The following PALLD variants were observed in gnomAD, a reference collection of about 807,000 sequenced individuals.
PALLD encodes the protein palladin.
PALLD carries 61 observed loss-of-function variants against 123.5 expected under a neutral mutation model. That is an observed-to-expected ratio of 0.49 (90% CI 0.40 to 0.61). The LOEUF is 0.61. Ranked by LOEUF, PALLD falls within the 20% of genes least tolerant of loss-of-function variation. The probability of loss-of-function intolerance (pLI) is 0.00; values close to 1 mark genes in which losing one functional copy is unlikely to be tolerated. For synonymous variants in PALLD, 465 were observed against 496.4 expected, an observed-to-expected ratio of 0.94 and a Z score of 0.84; for missense variants, 1,273 against 1,377.0, an observed-to-expected ratio of 0.92 and a Z score of 1.20.
At chr4:168,894,841 A>G (rs1754772417) in intron 12 of PALLD, 164 bp downstream of exon 12, 1 of 1,106,402 alleles carries the variant, frequency 9.0e-7, no homozygotes, top group Non-Finnish European at 1.3e-6. Flanking sequence ...ATTTTTATTG[A>G]GCACATACTA....
Position 168,560,662 on chromosome 4 carries a change from C to A in PALLD, c.908+48250C>A, listed in dbSNP as rs115810730. 2.9e-3 allele frequency among the ~76,000 whole-genome samples: 438 copies of A among 152,294 alleles called. 2 individuals are homozygous for A. The highest frequency in any genetic ancestry group is 0.02 in the Middle Eastern group (6 of 294). The stretch of plus-strand genomic sequence containing the variant: ...TTTCTGTATCAAGCTGTCAGGAGAT[C>A]AGAGAAGAAGCTCATTAACCCAGTC... On this transcript the variant is annotated intron_variant, in intron 2 of 21. Transcript: ENST00000505667.
intron 8 of PALLD, among the ~76,000 whole-genome samples, chr4:168,707,267 T>C (rs552955801): frequency 4.9e-4 from 75 of 152,216 alleles, no homozygotes; most frequent in Non-Finnish European, 9.6e-4. Flanking sequence ...CACCCCAAAA[T>C]TTAGTTGCTT....
chr4:168,861,668 A>T (rs1324003481), intron 10 of PALLD, among the ~76,000 whole-genome samples: 1 of 150,830 alleles, frequency 6.6e-6, no homozygotes, highest in Non-Finnish European at 1.5e-5. Context: ...ATTTTTTTTA[A>T]TTTTTTTTTA....
intron 8 of PALLD, among the ~76,000 whole-genome samples, chr4:168,694,873 C>G (rs1205957022): frequency 6.6e-6 from 1 of 152,128 alleles, no homozygotes; most frequent in African/African-American, 2.4e-5. Context: ...GTCATAGTAC[C>G]TTCTCTGGCC....
intron 2 of PALLD, among the ~76,000 whole-genome samples, chr4:168,565,356 G>C (rs17613517): frequency 6.6e-6 from 1 of 152,066 alleles, no homozygotes; most frequent in East Asian, 1.9e-4. Context: ...CCATGCTCTC[G>C]GCACAAGTAA....
chr4:168,808,168 A>G (rs572922331), intron 10 of PALLD, among the ~76,000 whole-genome samples: 2 of 151,322 alleles, frequency 1.3e-5, no homozygotes, highest in South Asian at 4.2e-4. Flanking sequence ...TATAAGGGAA[A>G]ATATATTAAT....
At position 168,832,116 on chromosome 4, in the gene PALLD, C is replaced by T. The variant is rs369914688; in HGVS notation, c.1965-58806C>T. 4.7e-5 allele frequency: 46 copies of T among 985,438 alleles called. No homozygotes were observed. The East Asian group carries it at 3.7e-3, about 80-fold the overall frequency. 61.0% of individuals were successfully genotyped at this position (985,438 alleles called of 1,614,324 possible). On this transcript the variant is annotated intron_variant, in intron 10 of 21. Transcript: ENST00000505667. ...CGGTCCGCGGAGCCCGCTGCAGCTC[C>T]CGCTCGCTCCGGACGCGGAATCGGG... is the stretch of plus-strand genomic sequence containing the variant.
chr4:168,781,501 G>A (rs138983742), intron 10 of PALLD, among the ~76,000 whole-genome samples: 6 of 152,300 alleles, frequency 3.9e-5, no homozygotes, highest in Admixed American at 6.5e-5. Context: ...GGCAGAGGCC[G>A]GGAAGCCTGT....
intron 10 of PALLD, among the ~76,000 whole-genome samples, chr4:168,862,849 C>T (rs982586338): frequency 6.6e-6 from 1 of 152,160 alleles, no homozygotes; most frequent in African/African-American, 2.4e-5. Flanking sequence ...GGAAGTCTTC[C>T]CATATCCCTT....
intron 10 of PALLD, among the ~76,000 whole-genome samples, chr4:168,750,450 G>A (rs1209611917): frequency 6.6e-6 from 1 of 152,118 alleles, no homozygotes; most frequent in Non-Finnish European, 1.5e-5. Flanking sequence ...ACAAGTCACA[G>A]GTTCTGTCTA....
At chr4:168,505,743 C>T (rs1418329876) in intron 1 of PALLD, among the ~76,000 whole-genome samples, 2 of 152,200 alleles carry the variant, frequency 1.3e-5, no homozygotes, top group Non-Finnish European at 2.9e-5. Flanking sequence ...GCACAATGCC[C>T]ACCGCAGGGT....
At chr4:168,878,392 C>G in intron 10 of PALLD, 2 of 1,489,644 alleles carry the variant, frequency 1.3e-6, no homozygotes, top group South Asian at 2.6e-5. Context: ...GTGTCACCCC[C>G]GCGTGAGTAA....
intron 2 of PALLD, among the ~76,000 whole-genome samples, chr4:168,652,260 C>G (rs1778128439): frequency 6.6e-6 from 1 of 152,026 alleles, no homozygotes; most frequent in Admixed American, 6.5e-5. Flanking sequence ...GCTGAAAAAT[C>G]AGAAAGGATA....
chr4:168,823,835 T>A (rs1301486462), intron 10 of PALLD, among the ~76,000 whole-genome samples: 1 of 152,232 alleles, frequency 6.6e-6, no homozygotes, highest in East Asian at 1.9e-4. Context: ...AATTCCTCCA[T>A]GATGCTAAAA....
intron 2 of PALLD, among the ~76,000 whole-genome samples, chr4:168,617,504 G>C (rs1210958048): frequency 6.6e-6 from 1 of 152,080 alleles, no homozygotes. Flanking sequence ...CAAGACTAGG[G>C]GCCGGCCAGT....
Position 168,497,091 on chromosome 4 carries a change from A to T in PALLD, c.-186A>T, listed in dbSNP as rs752613470. On this transcript the variant is annotated 5_prime_UTR_variant, in exon 1 of 22. It removes an upstream start codon present in the reference 5' UTR. Transcript: ENST00000505667. ...GTGACCACGGACCAGGCAGTCTCTAATGAATAGGCAAGGCCACAACCTCCA... is the reference window on the plus strand; with the variant it reads ...GTGACCACGGACCAGGCAGTCTCTATTGAATAGGCAAGGCCACAACCTCCA... 1 of 152,174 alleles carries T rather than the reference A, an allele frequency of 6.6e-6. No individual in the cohort carries two copies. The highest frequency in any genetic ancestry group is 1.5e-5 in the Non-Finnish European group (1 of 68,048). 9.4% of individuals were successfully genotyped at this position (152,174 alleles called of 1,614,324 possible). A position where few individuals can be genotyped will look rare whatever the true frequency, so the allele number is the denominator to read the frequency against.
intron 2 of PALLD, among the ~76,000 whole-genome samples, chr4:168,589,333 C>T (rs916064303): frequency 1.3e-5 from 2 of 152,176 alleles, no homozygotes; most frequent in Non-Finnish European, 1.5e-5. Flanking sequence ...AGGAGACCTT[C>T]AGGGAAAGTC....
At chr4:168,685,656 A>G in intron 6 of PALLD, 97 bp downstream of exon 6, 3 of 829,978 alleles carry the variant, frequency 3.6e-6, no homozygotes, top group Non-Finnish European at 2.1e-6. Flanking sequence ...ATTAAAAGGA[A>G]CAGATTAGTA....
At chr4:168,859,658 A>G (rs1749143128) in intron 10 of PALLD, among the ~76,000 whole-genome samples, 1 of 152,218 alleles carries the variant, frequency 6.6e-6, no homozygotes, top group East Asian at 1.9e-4. Context: ...GCTCTGCTGT[A>G]TAATTCCTGT....
Sources: allele counts gnomAD v4.1 joint callset (sites outside exome capture counted in the v4.1 genomes callset), GRCh38; gene constraint gnomAD v4.1.1; transcripts MANE v1.5; gene names NCBI Gene and HGNC (gene_info 2026-07-23, HGNC 2026-07-21).